CDH24: variants seen among roughly 807,000 people sequenced by gnomAD.
CDH24 encodes the protein cadherin-24.
Under a neutral mutation model 71.2 loss-of-function variants are expected in CDH24, and 61 were observed. The observed-to-expected ratio is 0.86, with a 90% CI of 0.70 to 1.06. The LOEUF is 1.06. Ranked by LOEUF, CDH24 falls within the 50% of genes least tolerant of loss-of-function variation. The probability of loss-of-function intolerance (pLI) is 0.00; values close to 1 mark genes in which losing one functional copy is unlikely to be tolerated. For synonymous variants in CDH24, 440 were observed against 470.2 expected, an observed-to-expected ratio of 0.94 and a Z score of 0.83; for missense variants, 961 against 1,083.7, an observed-to-expected ratio of 0.89 and a Z score of 1.59.
chr14:23,053,054 G>A (rs1345877067), intron 7 of CDH24, among the ~76,000 whole-genome samples: 4 of 152,200 alleles, frequency 2.6e-5, no homozygotes, highest in Non-Finnish European at 5.9e-5. Flanking sequence ...GCTGGCCGGG[G>A]AGGGGGAAAG....
chr14:23,051,487 C>A lies in CDH24; in HGVS notation c.1363+986G>T, dbSNP rs979382870. Among the ~76,000 whole-genome samples the A allele has an allele frequency of 6.6e-6, 1 of 152,212 alleles. No individual in the cohort carries two copies. The highest frequency in any genetic ancestry group is 6.5e-5 in the Admixed American group (1 of 15,282). On this transcript the variant is annotated intron_variant, in intron 8 of 12. Transcript: ENST00000487137. This position sits in a 1 kb window ranked among gnomAD's most constrained non-coding sequence, Gnocchi z 4.4. ...TTATCTGTCCACAAATACCCACATA[C>A]ACAAAACACATACAAACAGCTACAT...
At chr14:23,053,851 C>G in intron 6 of CDH24, 102 bp from the exon 7 acceptor site, 1 of 1,195,554 alleles carries the variant, frequency 8.4e-7, no homozygotes, top group Non-Finnish European at 1.2e-6. Flanking sequence ...GCATGCAGTG[C>G]TCAGTCCTCA....
chr14:23,054,211 C>T lies in CDH24; in HGVS notation c.902G>A (p.Gly301Glu), dbSNP rs769294296. ...NALMAYSILDGEGSEAFSIST... is the reference protein window; with the variant it reads ...NALMAYSILDEEGSEAFSIST... Reference sequence around the variant, plus strand: ...GATGCTGAAGGCCTCAGACCCCTCCCCATCCAGGATGCTGTATGCCATCAG... The same window carrying T: ...GATGCTGAAGGCCTCAGACCCCTCCTCATCCAGGATGCTGTATGCCATCAG... Residue 301 changes from glycine to glutamate, a missense_variant, in exon 6 of 13, where the codon GGG becomes GAG. Gly to Glu is a moderately conservative substitution (Grantham distance 98). This residue lies in a region of CDH24 where 671 missense variants were observed against 810.9 expected (regional missense o/e 0.83). Coordinates refer to ENST00000487137, the MANE Select transcript of CDH24 (RefSeq NM_144985.4). This position sits in a 1 kb window ranked among gnomAD's most constrained non-coding sequence, Gnocchi z 5.2. The T allele has an allele frequency of 2.2e-4, 350 of 1,613,586 alleles. 1 individual carries two copies. The highest frequency in any genetic ancestry group is 2.9e-4 in the Non-Finnish European group (343 of 1,179,950).
chr14:23,055,979 G>A lies in CDH24; in HGVS notation c.-124-122C>T, dbSNP rs953395211. ...CTCCACTGCCCAGAACTCAGACTAA[G>A]ACAGAGAGCAGAGAGGCTGATCCTT... On this transcript the variant is annotated intron_variant, in intron 1 of 12. Coordinates refer to ENST00000487137, the MANE Select transcript of CDH24 (RefSeq NM_144985.4). The surrounding 1 kb of genome is among the most constrained non-coding windows in gnomAD (Gnocchi z 4.1). The A allele has an allele frequency of 4.1e-6, 2 of 492,472 alleles. No individual in the cohort carries two copies. Among genetic ancestry groups the A allele is most frequent in the Non-Finnish European group, 7.3e-6 (2 of 275,662 alleles). The allele number at this position is 492,472 out of a possible 1,614,324, so 30.5% of individuals were successfully genotyped here.
chr14:23,055,953 A>C lies in CDH24; in HGVS notation c.-124-96T>G. 1 of 544,752 alleles carries C rather than the reference A, an allele frequency of 1.8e-6. No individual in the cohort carries two copies. The highest frequency in any genetic ancestry group is 3.3e-6 in the Non-Finnish European group (1 of 305,270). The allele number at this position is 544,752 out of a possible 1,614,324, so 33.7% of individuals were successfully genotyped here. ...AGACCAGACCTCCAAGGAACCAGAC[A>C]CTCCACTGCCCAGAACTCAGACTAA... is the stretch of plus-strand genomic sequence containing the variant. On this transcript the variant is annotated intron_variant, in intron 1 of 12. Coordinates refer to ENST00000487137, the MANE Select transcript of CDH24 (RefSeq NM_144985.4). This position sits in a 1 kb window ranked among gnomAD's most constrained non-coding sequence, Gnocchi z 4.1.
At chr14:23,053,318 C>A (rs574475303) in intron 7 of CDH24, among the ~76,000 whole-genome samples, 178 bp downstream of exon 7, 2 of 152,328 alleles carry the variant, frequency 1.3e-5, no homozygotes, top group African/African-American at 4.8e-5. Flanking sequence ...AGTGGTCAGC[C>A]AGGCCCTCCG....
In CDH24 at chr14:23,054,072, T is replaced by G; in HGVS notation, c.972+69A>C. On this transcript the variant is annotated intron_variant, in intron 6 of 12. Transcript: ENST00000487137. This position sits in a 1 kb window ranked among gnomAD's most constrained non-coding sequence, Gnocchi z 5.2. ...TCCTGAGTCTGTTCTAGAAGAACAG[T>G]TAAATATGTGCCCTGTGGGTCGGCA... 6.8e-7 allele frequency: 1 copy of G among 1,460,394 alleles called. No individual in the cohort carries two copies. The highest frequency in any genetic ancestry group is 9.2e-7 in the Non-Finnish European group (1 of 1,087,104). The allele number at this position is 1,460,394 out of a possible 1,614,324, so 90.5% of individuals were successfully genotyped here.
rs567607502 is a variant in CDH24, at chr14:23,057,027, G to C, written c.-125+376C>G. 6.6e-6 allele frequency among the ~76,000 whole-genome samples: 1 copy of C among 152,110 alleles called. No homozygotes were observed. Among genetic ancestry groups the C allele is most frequent in the South Asian group, 2.1e-4 (1 of 4,818 alleles). On this transcript the variant is annotated intron_variant, in intron 1 of 12. Transcript: ENST00000487137. This position sits in a 1 kb window ranked among gnomAD's most constrained non-coding sequence, Gnocchi z 5.4. ...GAGTGGGAAACAGGATAGCAGGAAG[G>C]GGAGAGGAGAGGGAGGGAAAGGAGA...
Position 23,054,932 on chromosome 14 carries a change from G to GT in CDH24, c.497-67_497-66insA. On this transcript the variant is annotated intron_variant, in intron 3 of 12. Coordinates refer to ENST00000487137, the MANE Select transcript of CDH24 (RefSeq NM_144985.4). The surrounding 1 kb of genome is among the most constrained non-coding windows in gnomAD (Gnocchi z 5.2). The stretch of plus-strand genomic sequence containing the variant: ...AGGATGGGGAAGAACAACCGATGGG[G>GT]GGGGATGCAGATACGAGGGAGGCTG... 5.0e-6 allele frequency: 8 copies of GT among 1,604,588 alleles called. No individual in the cohort carries two copies. Among genetic ancestry groups the GT allele is most frequent in the Non-Finnish European group, 6.0e-6 (7 of 1,175,692 alleles).
Position 23,055,642 on chromosome 14 carries a change from G to A in CDH24, c.92C>T (p.Ser31Phe), listed in dbSNP as rs562006890. The A allele has an allele frequency of 3.7e-6, 6 of 1,612,432 alleles. No homozygotes were observed. The South Asian group carries it at 5.5e-5, about 15-fold the overall frequency. Residue 31 changes from serine to phenylalanine, a missense_variant, in exon 2 of 13, where the codon TCC becomes TTC. Around this residue, in one of 2 missense-constraint regions of CDH24, gnomAD observed 671 missense variants for 810.9 expected, o/e 0.83. Transcript: ENST00000487137. This position sits in a 1 kb window ranked among gnomAD's most constrained non-coding sequence, Gnocchi z 4.1. ...CAGAGCAGGCCCTGGGTGTTCCCGG[G>A]ACCCTGCCCAGGCCCGGGCTGGGGC... Reference protein sequence around the residue: ...LAAPARAWAGSREHPGPALLR... With the variant: ...LAAPARAWAGFREHPGPALLR...
chr14:23,053,564 G>A lies in CDH24; in HGVS notation c.1158C>T (p.Asn386=), dbSNP rs1365157035. The part of the protein sequence containing the change: ...QAAYHLTVPE[N]KAPGTLVGQI... ...GGCCTACCAGGGTCCCCGGGGCCTT[G>A]TTCTCAGGCACTGTCAGGTGGTAGG... Residue 386 remains asparagine, a synonymous_variant, in exon 7 of 13, where the codon AAC becomes AAT. Transcript: ENST00000487137. The A allele has an allele frequency of 5.0e-6, 8 of 1,611,402 alleles. No individual in the cohort carries two copies. Among genetic ancestry groups the A allele is most frequent in the South Asian group, 1.1e-5 (1 of 91,008 alleles).
At chr14:23,056,056 T>A (rs2047127608) in intron 1 of CDH24, among the ~76,000 whole-genome samples, 199 bp from the exon 2 acceptor site, 1 of 152,040 alleles carries the variant, frequency 6.6e-6, no homozygotes, top group Admixed American at 6.6e-5. Flanking sequence ...AGCTGATAAA[T>A]CTCTGGTCAG....
chr14:23,054,360 G>T lies in CDH24; in HGVS notation c.785-32C>A. The stretch of plus-strand genomic sequence containing the variant: ...ATGACAGAGGGGAGACACCTTCTCA[G>T]AGAGGTCCCCAGCCCTCCTCCCTCC... On this transcript the variant is annotated intron_variant, in intron 5 of 12. Transcript: ENST00000487137. This position sits in a 1 kb window ranked among gnomAD's most constrained non-coding sequence, Gnocchi z 5.2. 5.2e-6 allele frequency: 8 copies of T among 1,551,674 alleles called. No homozygotes were observed. The highest frequency in any genetic ancestry group is 7.0e-6 in the Non-Finnish European group (8 of 1,146,338).
intron 8 of CDH24, 120 bp downstream of exon 8, chr14:23,052,353 C>T (rs770800914): frequency 3.7e-6 from 4 of 1,086,406 alleles, no homozygotes; most frequent in East Asian, 5.1e-5. Context: ...CAGGCTAGGA[C>T]TCAGTGGCCG....
intron 11 of CDH24, 150 bp from the exon 12 acceptor site, chr14:23,048,629 C>G: frequency 1.3e-6 from 1 of 771,464 alleles, no homozygotes; most frequent in Middle Eastern, 3.1e-4. Context: ...CTGACTTCAG[C>G]CCTTACTCGC....
chr14:23,052,086 GA>G, intron 8 of CDH24: 1 of 1,515,566 alleles, frequency 6.6e-7, no homozygotes, highest in Non-Finnish European at 9.0e-7. Flanking sequence ...GCTCCAGCCT[GA>G]AGCAGAGAGT....
rs879274629 is a variant in CDH24 at position 23,057,482 on chromosome 14, A to G, written c.-204T>C. The G allele has an allele frequency of 1.3e-5, 2 of 151,920 alleles. No homozygotes were observed. Among genetic ancestry groups the G allele is most frequent in the Non-Finnish European group, 2.9e-5 (2 of 67,948 alleles). The allele number at this position is 151,920 out of a possible 1,614,324, so 9.4% of individuals were successfully genotyped here. ...GCCGGGTCCCGGGGGCACAGCCCCG[A>G]GCCGATTGGAGCGGGCGCCGCGGCT... On this transcript the variant is annotated 5_prime_UTR_variant, in exon 1 of 13. Coordinates refer to ENST00000487137, the MANE Select transcript of CDH24 (RefSeq NM_144985.4). This position sits in a 1 kb window ranked among gnomAD's most constrained non-coding sequence, Gnocchi z 5.4.
At position 23,054,964 on chromosome 14, in the gene CDH24, AG is replaced by A; in HGVS notation, c.496+94del. 1 of 1,590,128 alleles carries A rather than the reference AG, an allele frequency of 6.3e-7. No individual in the cohort carries two copies. The highest frequency in any genetic ancestry group is 1.1e-5 in the South Asian group (1 of 88,262). ...GCAGATACGAGGGAGGCTGAATTGAAGGGGGCAGGTTCTGGGGCAGACAACA... is the reference window on the plus strand; with the variant it reads ...GCAGATACGAGGGAGGCTGAATTGAAGGGGCAGGTTCTGGGGCAGACAACA... On this transcript the variant is annotated intron_variant, in intron 3 of 12. Coordinates refer to ENST00000487137, the MANE Select transcript of CDH24 (RefSeq NM_144985.4). This position sits in a 1 kb window ranked among gnomAD's most constrained non-coding sequence, Gnocchi z 5.2.
In CDH24 at chr14:23,054,106, G is replaced by T. The variant is rs762522625; in HGVS notation, c.972+35C>A. The T allele has an allele frequency of 5.1e-6, 8 of 1,555,838 alleles. No homozygotes were observed. The highest frequency in any genetic ancestry group is 4.4e-6 in the Non-Finnish European group (5 of 1,147,168). On this transcript the variant is annotated intron_variant, in intron 6 of 12. Coordinates refer to ENST00000487137, the MANE Select transcript of CDH24 (RefSeq NM_144985.4). This position sits in a 1 kb window ranked among gnomAD's most constrained non-coding sequence, Gnocchi z 5.2. ...TGCCCTGTGGGTCGGCAGGAGGCAG[G>T]TCTAAGAGAAAGCATTAACAGGCAG...
Sources: allele counts gnomAD v4.1 joint callset (sites outside exome capture counted in the v4.1 genomes callset), GRCh38; gene constraint gnomAD v4.1.1; regional missense constraint gnomAD v4.1.1; non-coding constraint Gnocchi (gnomAD v3.1); transcripts MANE v1.5; gene names NCBI Gene and HGNC (gene_info 2026-07-23, HGNC 2026-07-21).